The following LHCGR variants were observed in gnomAD, a reference collection of about 807,000 sequenced individuals.
LHCGR encodes the protein lutropin-choriogonadotropic hormone receptor.
Under a neutral mutation model 60.7 loss-of-function variants are expected in LHCGR, and 55 were observed. The ratio of observed to expected loss-of-function variants is 0.91; its 90% CI spans 0.73 to 1.13. The LOEUF is 1.13. Ranked by LOEUF, LHCGR falls within the 50% of genes most tolerant of loss-of-function variation. LHCGR has a pLI of 0.00. For missense variants in LHCGR, 862 were observed against 836.0 expected, an observed-to-expected ratio of 1.03 and a Z score of -0.38; for synonymous variants, 337 against 316.5, an observed-to-expected ratio of 1.06 and a Z score of -0.69.
At chr2:48,743,296 C>G (rs1669555535) in intron 1 of LHCGR, among the ~76,000 whole-genome samples, 1 of 151,996 alleles carries the variant, frequency 6.6e-6, no homozygotes, top group East Asian at 1.9e-4. Context: ...CCTTCTGAAA[C>G]TATTCCAATC....
chr2:48,700,199 T>A (rs1667338956), intron 8 of LHCGR, among the ~76,000 whole-genome samples: 1 of 152,228 alleles, frequency 6.6e-6, no homozygotes. Flanking sequence ...GGGATTGAGC[T>A]CTTTGAAGAT....
intron 4 of LHCGR, among the ~76,000 whole-genome samples, chr2:48,724,185 T>G (rs749973814): frequency 8.5e-5 from 13 of 152,370 alleles, no homozygotes; most frequent in East Asian, 1.9e-4. Context: ...TTAGCTATCT[T>G]GCAATTCAGG....
rs1276710191 is a variant in LHCGR, at chr2:48,687,272, T to C, written c.*425A>G. The C allele has an allele frequency of 5.7e-6, 1 of 174,996 alleles. No individual in the cohort carries two copies. Among genetic ancestry groups the C allele is most frequent in the Admixed American group, 5.5e-5 (1 of 18,046 alleles). 10.8% of individuals were successfully genotyped at this position (174,996 alleles called of 1,614,324 possible). A position where few individuals can be genotyped will look rare whatever the true frequency, so the allele number is the denominator to read the frequency against. On this transcript the variant is annotated 3_prime_UTR_variant, in exon 11 of 11. Transcript: ENST00000294954. ...GGCTAGTGGCTACCGGATTGGACAG[T>C]GCATCTCTAGAGTGTGTTTTTCAAA...
chr2:48,689,560 A>C (rs1680103991), intron 10 of LHCGR, among the ~76,000 whole-genome samples: 1 of 152,198 alleles, frequency 6.6e-6, no homozygotes. Context: ...AGTTGTGGAC[A>C]ATAGGAAGAG....
chr2:48,751,940 T>C (rs1046411525), intron 1 of LHCGR, among the ~76,000 whole-genome samples: 2 of 152,244 alleles, frequency 1.3e-5, no homozygotes, highest in African/African-American at 4.8e-5. Context: ...TGTTTCCATA[T>C]CAAGCAGATC....
At position 48,698,626 on chromosome 2, in the gene LHCGR, CA is replaced by C; in HGVS notation, c.854del (p.Leu285CysfsTer24). Reference protein sequence around the residue: ...YPSHCCAFRNLPTKEQNFSHS... With the variant: ...YPSHCCAFRNXPTKEQNFSHS... ...TGGTTTCTACTTACTCTTTTGTTGG[CA>C]AGTTTCTAAAAGCACAGCAGTGGCT... On this transcript the variant is annotated frameshift_variant, in exon 9 of 11. Transcript: ENST00000294954. LOFTEE classifies it high-confidence loss of function. 6.2e-7 allele frequency: 1 copy of C among 1,613,952 alleles called. No individual in the cohort carries two copies. Among genetic ancestry groups the C allele is most frequent in the Non-Finnish European group, 8.5e-7 (1 of 1,179,916 alleles).
At chr2:48,715,678 G>A (rs933853947) in intron 6 of LHCGR, among the ~76,000 whole-genome samples, 1 of 152,142 alleles carries the variant, frequency 6.6e-6, no homozygotes, top group Non-Finnish European at 1.5e-5. Flanking sequence ...TCAACAGCAT[G>A]TATGTACTCT....
At position 48,755,699 on chromosome 2, in the gene LHCGR, G is replaced by C; in HGVS notation, c.-28C>G. On this transcript the variant is annotated 5_prime_UTR_variant, in exon 1 of 11. Coordinates refer to ENST00000294954, the MANE Select transcript of LHCGR (RefSeq NM_000233.4). ...CCGGCGAACTGGGCTTCTGCGGCTT[G>C]CCAGTGTCTTGGACGGCCTCTGAGT... 1 of 1,533,796 alleles carries C rather than the reference G, an allele frequency of 6.5e-7. No individual in the cohort carries two copies. The highest frequency in any genetic ancestry group is 2.4e-5 in the East Asian group (1 of 40,862).
chr2:48,690,046 T>A (rs1680146218), intron 10 of LHCGR, among the ~76,000 whole-genome samples: 1 of 152,152 alleles, frequency 6.6e-6, no homozygotes. Context: ...AGCAATTAGT[T>A]TTCTTCCTGA....
intron 8 of LHCGR, among the ~76,000 whole-genome samples, chr2:48,705,149 C>G (rs1029681731): frequency 1.3e-5 from 2 of 151,972 alleles, no homozygotes; most frequent in African/African-American, 2.4e-5. Flanking sequence ...CGTTATGTAC[C>G]CAGTAGTCAT....
At chr2:48,709,539 T>C (rs1667875672) in intron 7 of LHCGR, among the ~76,000 whole-genome samples, 1 of 152,254 alleles carries the variant, frequency 6.6e-6, no homozygotes, top group African/African-American at 2.4e-5. Flanking sequence ...CTTTCAGATA[T>C]GCATTTCTCT....
Position 48,728,212 on chromosome 2 carries a change from T to G in LHCGR, c.308+941A>C, listed in dbSNP as rs533521507. 4.9e-4 allele frequency among the ~76,000 whole-genome samples: 75 copies of G among 152,246 alleles called. No individual in the cohort carries two copies. The South Asian group carries it at 0.012, about 24-fold the overall frequency. Reference sequence around the variant, plus strand: ...AAGATTGGATACCCCTGGTCTGAAGTGTCACATCGGTCAAGTTTCTGTGCC... The same window carrying G: ...AAGATTGGATACCCCTGGTCTGAAGGGTCACATCGGTCAAGTTTCTGTGCC... On this transcript the variant is annotated intron_variant, in intron 3 of 10. Transcript: ENST00000294954.
Position 48,714,048 on chromosome 2 carries a change from TA to T in LHCGR, c.542del (p.Leu181HisfsTer19). 1 of 1,611,910 alleles carries T rather than the reference TA, an allele frequency of 6.2e-7. No homozygotes were observed. Among genetic ancestry groups the T allele is most frequent in the Non-Finnish European group, 8.5e-7 (1 of 1,178,076 alleles). ...GTACTTCTTCAAATCCATTTCCATATAGTTTGCTGAAGGAGGGAGGAGAGGG... is the reference window on the plus strand; with the variant it reads ...GTACTTCTTCAAATCCATTTCCATATGTTTGCTGAAGGAGGGAGGAGAGGG... Reference protein sequence around the residue: ...GMNNESVTLKLYGNGFEEVQS... With the variant: ...GMNNESVTLKXYGNGFEEVQS... On this transcript the variant is annotated frameshift_variant, in exon 7 of 11. Coordinates refer to ENST00000294954, the MANE Select transcript of LHCGR (RefSeq NM_000233.4). LOFTEE classifies it high-confidence loss of function.
intron 6 of LHCGR, chr2:48,720,566 C>T (rs1471121819): frequency 2.0e-5 from 3 of 152,280 alleles, no homozygotes; most frequent in South Asian, 2.1e-4. Flanking sequence ...TCAGTGTCCT[C>T]TCCATCTCAG....
chr2:48,721,356 G>A (rs1464395521), intron 6 of LHCGR: 3 of 205,222 alleles, frequency 1.5e-5, no homozygotes, highest in African/African-American at 6.9e-5. Flanking sequence ...TAGAGCTGTG[G>A]TGTGTGAGGG....
intron 1 of LHCGR, among the ~76,000 whole-genome samples, chr2:48,734,961 A>C (rs913757620): frequency 2.0e-5 from 3 of 152,226 alleles, no homozygotes; most frequent in East Asian, 3.8e-4. Flanking sequence ...GCTGTGGAAA[A>C]ATATGGCTGT....
Position 48,694,317 on chromosome 2 carries a change from A to C in LHCGR, c.867-13T>G. ...TGAAAAATTCTGTCTGAAAGAGAAG[A>C]GGTTAAAAAAAGCATTTGAGCTTTT... On this transcript the variant is annotated splice_polypyrimidine_tract_variant and intron_variant, in intron 9 of 10. Coordinates refer to ENST00000294954, the MANE Select transcript of LHCGR (RefSeq NM_000233.4). The C allele has an allele frequency of 6.4e-7, 1 of 1,560,384 alleles. No homozygotes were observed. The highest frequency in any genetic ancestry group is 8.8e-7 in the Non-Finnish European group (1 of 1,135,958).
intron 9 of LHCGR, among the ~76,000 whole-genome samples, chr2:48,694,839 C>T (rs970290304): frequency 6.6e-6 from 1 of 152,098 alleles, no homozygotes; most frequent in Non-Finnish European, 1.5e-5. Context: ...GAAGTTTAGC[C>T]TGTGGAAAGA....
chr2:48,722,491 G>A (rs1196940085), intron 6 of LHCGR, among the ~76,000 whole-genome samples: 6 of 152,154 alleles, frequency 3.9e-5, no homozygotes, highest in Admixed American at 3.9e-4. Flanking sequence ...GGATCATGGG[G>A]GTGGTTTCTC....
Sources: allele counts gnomAD v4.1 joint callset (sites outside exome capture counted in the v4.1 genomes callset), GRCh38; gene constraint gnomAD v4.1.1; transcripts MANE v1.5; gene names NCBI Gene and HGNC (gene_info 2026-07-23, HGNC 2026-07-21).